The following ADK variants were observed in gnomAD, a reference collection of about 807,000 sequenced individuals.
ADK encodes the protein N6,N6-dimethyladenosine kinase.
Under a neutral mutation model 44.7 loss-of-function variants are expected in ADK, and 24 were observed. The ratio of observed to expected loss-of-function variants is 0.54; its 90% CI spans 0.39 to 0.76. ADK has a LOEUF of 0.76. Ranked by LOEUF, ADK falls within the 30% of genes least tolerant of loss-of-function variation. The pLI is 0.00. For synonymous variants in ADK, 128 were observed against 142.6 expected, an observed-to-expected ratio of 0.90 and a Z score of 0.73; for missense variants, 321 against 425.1, an observed-to-expected ratio of 0.76 and a Z score of 2.15.
At chr10:74,579,771 C>T (rs991567338) in intron 7 of ADK, among the ~76,000 whole-genome samples, 3 of 152,070 alleles carry the variant, frequency 2.0e-5, no homozygotes, top group African/African-American at 7.2e-5. Context: ...ATTTTTAAGC[C>T]AAGTACTGAA....
At chr10:74,525,528 T>C (rs1849002684) in intron 7 of ADK, 102 bp downstream of exon 7, 1 of 1,111,830 alleles carries the variant, frequency 9.0e-7, no homozygotes, top group African/African-American at 1.6e-5. Context: ...AATCCTAAAT[T>C]TTTGTGTAAA....
intron 9 of ADK, chr10:74,655,550 TG>T (rs1854451386): frequency 4.1e-6 from 2 of 492,876 alleles, no homozygotes; most frequent in Admixed American, 2.4e-5. Context: ...TGTTAAACCT[TG>T]GCTGGCTGGC....
chr10:74,356,001 C>CAT lies in ADK; in HGVS notation c.274-38139_274-38138dup, dbSNP rs1452821494. Among the ~76,000 whole-genome samples, 65 of 36,372 alleles carry CAT rather than the reference C, an allele frequency of 1.8e-3. 7 individuals are homozygous for CAT. Among genetic ancestry groups the CAT allele is most frequent in the African/African-American group, 4.3e-3 (63 of 14,772 alleles). The allele number at this position is 36,372 out of a possible 152,430, so 23.9% of individuals were successfully genotyped here. On this transcript the variant is annotated intron_variant, in intron 4 of 10. Coordinates refer to ENST00000539909, the MANE Select transcript of ADK (RefSeq NM_006721.4). The stretch of plus-strand genomic sequence containing the variant: ...ATCTGAAATATTTCACTAAATAATT[C>CAT]ATTTTTTTTTTTTTTTTTTTTTTTT...
intron 10 of ADK, among the ~76,000 whole-genome samples, chr10:74,682,265 C>T (rs906040521): frequency 2.0e-5 from 3 of 152,142 alleles, no homozygotes; most frequent in Non-Finnish European, 4.4e-5. Context: ...GTTTTTAATT[C>T]AAATACAATG....
intron 6 of ADK, among the ~76,000 whole-genome samples, chr10:74,422,004 C>A (rs1022705632): frequency 5.9e-5 from 9 of 152,112 alleles, no homozygotes; most frequent in Non-Finnish European, 1.2e-4. Context: ...AAGGGGGATC[C>A]TACTTCCCTT....
chr10:74,394,345 A>G (rs770168687), intron 5 of ADK, 32 bp downstream of exon 5: 24 of 1,605,460 alleles, frequency 1.5e-5, no homozygotes, highest in Non-Finnish European at 2.0e-5. Context: ...CCACTATACT[A>G]ATTGGCTATT....
chr10:74,173,582 C>T (rs1842232052), intron 1 of ADK, among the ~76,000 whole-genome samples: 1 of 151,766 alleles, frequency 6.6e-6, no homozygotes, highest in Non-Finnish European at 1.5e-5. Flanking sequence ...AGGTGTGTGC[C>T]ACCGCGCCCA....
At chr10:74,314,544 A>G in intron 3 of ADK, 123 bp from the exon 4 acceptor site, 1 of 669,256 alleles carries the variant, frequency 1.5e-6, no homozygotes, top group Admixed American at 2.5e-5. Flanking sequence ...TCATTTATTC[A>G]ACATACTTAA....
intron 9 of ADK, among the ~76,000 whole-genome samples, chr10:74,613,054 G>C (rs1381540532): frequency 6.6e-6 from 1 of 151,988 alleles, no homozygotes; most frequent in African/African-American, 2.4e-5. Flanking sequence ...TTTGAAGTCA[G>C]GTAATGTGAT....
At chr10:74,318,721 T>C (rs760264950) in intron 4 of ADK, among the ~76,000 whole-genome samples, 3 of 152,216 alleles carry the variant, frequency 2.0e-5, no homozygotes, top group Non-Finnish European at 4.4e-5. Context: ...TTGATAAGCC[T>C]ATATAATGAA....
At chr10:74,427,727 A>ATGTGTGTG (rs35949478) in intron 6 of ADK, among the ~76,000 whole-genome samples, 118 of 148,506 alleles carry the variant, frequency 7.9e-4, no homozygotes, top group African/African-American at 2.7e-3. Context: ...ATGTATATGT[A>ATGTGTGTG]TGTGTGTGTG....
At chr10:74,312,425 C>CTTT (rs61133957) in intron 3 of ADK, among the ~76,000 whole-genome samples, 2 of 136,790 alleles carry the variant, frequency 1.5e-5, no homozygotes, top group Non-Finnish European at 1.6e-5. Context: ...CAGACATTCA[C>CTTT]TTTTTTTTTT....
intron 2 of ADK, among the ~76,000 whole-genome samples, chr10:74,222,696 T>A (rs1844363550): frequency 6.6e-6 from 1 of 151,942 alleles, no homozygotes; most frequent in Non-Finnish European, 1.5e-5. Context: ...AAATGATGAG[T>A]TTATGTCCTT....
intron 1 of ADK, among the ~76,000 whole-genome samples, chr10:74,187,446 C>T (rs1564580313): frequency 6.6e-6 from 1 of 151,986 alleles, no homozygotes; most frequent in Non-Finnish European, 1.5e-5. Flanking sequence ...TGTAGGAGTT[C>T]TCTTTATATC....
intron 6 of ADK, among the ~76,000 whole-genome samples, chr10:74,402,182 T>G (rs1418432295): frequency 6.6e-6 from 1 of 152,202 alleles, no homozygotes; most frequent in African/African-American, 2.4e-5. Context: ...ATTTTTTCCT[T>G]CATTTCAACT....
intron 6 of ADK, among the ~76,000 whole-genome samples, chr10:74,495,203 T>C (rs75343094): frequency 1.1e-3 from 172 of 152,264 alleles, no homozygotes; most frequent in African/African-American, 4.1e-3. Context: ...CCTATAAATT[T>C]AGACAATAAG....
At chr10:74,401,489 T>G (rs1356605179) in intron 6 of ADK, among the ~76,000 whole-genome samples, 11 of 152,246 alleles carry the variant, frequency 7.2e-5, no homozygotes. Context: ...TTTACCATTA[T>G]GTAATGGCCT....
intron 6 of ADK, among the ~76,000 whole-genome samples, chr10:74,453,654 C>T (rs1845848816): frequency 6.6e-6 from 1 of 152,004 alleles, no homozygotes; most frequent in Non-Finnish European, 1.5e-5. Context: ...CTTTTCTCTA[C>T]TCTCCCCATG....
At chr10:74,440,249 C>G (rs116977801) in intron 6 of ADK, among the ~76,000 whole-genome samples, 5 of 151,992 alleles carry the variant, frequency 3.3e-5, no homozygotes, top group Admixed American at 1.3e-4. Flanking sequence ...ATTTAGTTCT[C>G]TCAGTAGCCT....
Sources: allele counts gnomAD v4.1 joint callset (sites outside exome capture counted in the v4.1 genomes callset), GRCh38; gene constraint gnomAD v4.1.1; transcripts MANE v1.5; gene names NCBI Gene and HGNC (gene_info 2026-07-23, HGNC 2026-07-21).